ARFGEF3: variants seen among roughly 807,000 people sequenced by gnomAD.
ARFGEF3 encodes ARFGEF family member 3.
A neutral mutation model predicts 221.7 loss-of-function variants in ARFGEF3; 96 were observed. The observed-to-expected ratio is 0.43, with a 90% CI of 0.37 to 0.51. The LOEUF is 0.51. ARFGEF3 is among the 20% of genes least tolerant of loss of function. The pLI is 0.00. For synonymous variants in ARFGEF3, 1,145 were observed against 1,126.8 expected (o/e 1.02, Z -0.32); for missense variants, 2,410 against 2,789.9 (o/e 0.86, Z 3.07).
rs768642743 is a variant in ARFGEF3, at chr6:138,336,480, T to G, written c.6528T>G (p.Ile2176Met). The part of the protein sequence containing the change: ...LGRVGRVYDI[I>M]V ...GGGTGGGCCGTGTCTATGACATCAT[T>G]GTGTAGCCGACTCCTGTTCTACTCT... Residue 2176 changes from isoleucine (I) to methionine (M), a missense_variant, in exon 34 of 34, where the codon ATT (isoleucine) becomes ATG (methionine). Around this residue, in one of 5 missense-constraint regions of ARFGEF3, gnomAD observed 339 missense variants for 334.9 expected, o/e 1.01. Coordinates refer to ENST00000251691, the MANE Select transcript of ARFGEF3 (RefSeq NM_020340.5). 4 of 1,605,120 alleles carry G rather than the reference T, an allele frequency of 2.5e-6. No homozygotes were observed. The Admixed American group carries it at 6.8e-5, about 27-fold the overall frequency.
chr6:138,246,895 T>G (rs1264783940), intron 8 of ARFGEF3, among the ~76,000 whole-genome samples: 11 of 152,180 alleles, frequency 7.2e-5, no homozygotes. Flanking sequence ...TGAGTAACTG[T>G]GTGAGATGAT....
At chr6:138,240,926 C>T (rs139057002) in intron 6 of ARFGEF3, among the ~76,000 whole-genome samples, 99 of 152,230 alleles carry the variant, frequency 6.5e-4, no homozygotes, top group East Asian at 3.7e-3. Context: ...TTTTCTAGCA[C>T]GGCCTATCAC....
At position 138,326,895 on chromosome 6, in the gene ARFGEF3, T is replaced by G. The variant is rs548230646; in HGVS notation, c.5002-1126T>G. ...TAAATGATAAACTGGATAAAGAAAA[T>G]GTGGTGCACGGAATACTATGCAGTC... On this transcript the variant is annotated intron_variant, in intron 31 of 33. Transcript: ENST00000251691. Among the ~76,000 whole-genome samples, 51 of 152,172 alleles carry G rather than the reference T, an allele frequency of 3.4e-4. 2 individuals carry two copies. In the South Asian group the frequency reaches 0.01, roughly 31 times the overall value.
chr6:138,173,725 G>A (rs530015361), intron 2 of ARFGEF3, among the ~76,000 whole-genome samples: 18 of 152,168 alleles, frequency 1.2e-4, no homozygotes, highest in African/African-American at 2.6e-4. Flanking sequence ...TTTATTCAAC[G>A]ATCTTTTGCT....
intron 4 of ARFGEF3, among the ~76,000 whole-genome samples, chr6:138,224,239 A>G (rs1322016879): frequency 6.6e-6 from 1 of 152,244 alleles, no homozygotes; most frequent in Non-Finnish European, 1.5e-5. Context: ...GGTTCTCAGC[A>G]GAGCATAATG....
At chr6:138,317,117 A>C in intron 26 of ARFGEF3, 134 bp from the exon 27 acceptor site, 3 of 848,526 alleles carry the variant, frequency 3.5e-6, no homozygotes, top group Non-Finnish European at 3.5e-6. Context: ...TGGCCACTGA[A>C]GGCTAACAAC....
chr6:138,213,424 C>T (rs901075880), intron 4 of ARFGEF3, among the ~76,000 whole-genome samples: 1 of 151,692 alleles, frequency 6.6e-6, no homozygotes, highest in Non-Finnish European at 1.5e-5. Context: ...TACCACTGCT[C>T]TGTAGCCAGC....
rs985721636 is a variant in ARFGEF3, at chr6:138,342,206, G to T, written c.*5720G>T. 1 of 152,134 alleles carries T rather than the reference G, an allele frequency of 6.6e-6. No individual in the cohort carries two copies. 9.4% of individuals were successfully genotyped at this position (152,134 alleles called of 1,614,324 possible). On this transcript the variant is annotated 3_prime_UTR_variant, in exon 34 of 34. Transcript: ENST00000251691. Reference sequence around the variant, plus strand: ...TTTAAAATAAGACACAGATTGCTGGGCTCATGGTCAGAGTTCCCAGTTAAG... The same window carrying T: ...TTTAAAATAAGACACAGATTGCTGGTCTCATGGTCAGAGTTCCCAGTTAAG...
At chr6:138,265,911 T>A (rs1562373333) in intron 12 of ARFGEF3, among the ~76,000 whole-genome samples, 2 of 152,006 alleles carry the variant, frequency 1.3e-5, no homozygotes, top group East Asian at 3.9e-4. Context: ...ATTTTTTTTT[T>A]AATTTTATAG....
At position 138,334,493 on chromosome 6, in the gene ARFGEF3, C is replaced by T. The variant is rs776479523; in HGVS notation, c.5647C>T (p.Arg1883Trp). 4 of 1,605,878 alleles carry T rather than the reference C, an allele frequency of 2.5e-6. No individual in the cohort carries two copies. The highest frequency in any genetic ancestry group is 2.2e-5 in the South Asian group (2 of 90,246). Residue 1883 changes from arginine to tryptophan, a missense_variant, in exon 33 of 34, where the codon CGG becomes TGG. Arg to Trp is a moderately radical substitution (Grantham distance 101). Around this residue, in one of 5 missense-constraint regions of ARFGEF3, gnomAD observed 723 missense variants for 991.9 expected, o/e 0.73. Coordinates refer to ENST00000251691, the MANE Select transcript of ARFGEF3 (RefSeq NM_020340.5). This position sits in a 1 kb window ranked among gnomAD's most constrained non-coding sequence, Gnocchi z 5.1. The stretch of plus-strand genomic sequence containing the variant: ...CAAGGAGAAGAGACAGTGGCGGGCA[C>T]GGATGCCCTTGCTCAGCGTCCAGCC... ...RGKEKRQWRA[R>W]MPLLSVQPVS...
At chr6:138,192,161 C>A (rs1777315904) in intron 2 of ARFGEF3, among the ~76,000 whole-genome samples, 1 of 152,126 alleles carries the variant, frequency 6.6e-6, no homozygotes, top group South Asian at 2.1e-4. Context: ...CTTCAGAATT[C>A]CCTGCTCTGT....
rs140080474 is a variant in ARFGEF3, at chr6:138,214,208, T to C, written c.351+4167T>C. 2.3e-4 allele frequency among the ~76,000 whole-genome samples: 35 copies of C among 152,334 alleles called. No homozygotes were observed. In the South Asian group the frequency reaches 4.3e-3, roughly 19 times the overall value. ...TACTGTATTAAATGCTTTTACTGTA[T>C]TCTCCCAAAAATTATAGAAGAGAGA... On this transcript the variant is annotated intron_variant, in intron 4 of 33. Transcript: ENST00000251691.
Position 138,263,024 on chromosome 6 carries a change from C to T in ARFGEF3, c.1541C>T (p.Thr514Ile). The change falls in exon 12 of 34, where the codon ACC becomes ATC. Residue 514 changes from threonine to isoleucine, a missense_variant. Transcript: ENST00000251691. ...SISVTTDTGQTTLEGELGQTT... is the reference protein window; with the variant it reads ...SISVTTDTGQITLEGELGQTT... ...AGTGTCACCACAGACACAGGCCAGACCACTCTCGAGGGAGAGTTGGGTCAG... is the reference window on the plus strand; with the variant it reads ...AGTGTCACCACAGACACAGGCCAGATCACTCTCGAGGGAGAGTTGGGTCAG... The T allele has an allele frequency of 6.2e-7, 1 of 1,607,100 alleles. No individual in the cohort carries two copies.
At position 138,291,194 on chromosome 6, in the gene ARFGEF3, C is replaced by T. The variant is rs921816257; in HGVS notation, c.3048-539C>T. Among the ~76,000 whole-genome samples, 37 of 152,180 alleles carry T rather than the reference C, an allele frequency of 2.4e-4. No individual in the cohort carries two copies. Among genetic ancestry groups the T allele is most frequent in the African/African-American group, 6.8e-4 (28 of 41,446 alleles). ...ATAATTCGGTGACTGCCCTCCCACC[C>T]GGCCGCCACCCACCCCACCCAGACT... On this transcript the variant is annotated intron_variant, in intron 18 of 33. Coordinates refer to ENST00000251691, the MANE Select transcript of ARFGEF3 (RefSeq NM_020340.5). This position sits in a 1 kb window ranked among gnomAD's most constrained non-coding sequence, Gnocchi z 4.5.
intron 2 of ARFGEF3, among the ~76,000 whole-genome samples, chr6:138,198,553 A>G (rs1490597452): frequency 6.6e-6 from 1 of 152,236 alleles, no homozygotes; most frequent in Non-Finnish European, 1.5e-5. Context: ...TAAAGGACCC[A>G]TATTCATTAA....
intron 12 of ARFGEF3, among the ~76,000 whole-genome samples, chr6:138,270,136 G>T (rs1218651609): frequency 6.6e-6 from 1 of 152,128 alleles, no homozygotes; most frequent in Non-Finnish European, 1.5e-5. Flanking sequence ...ACAACCTCAA[G>T]TTCACTGACC....
chr6:138,253,850 T>A, intron 8 of ARFGEF3, 30 bp from the exon 9 acceptor site: 1 of 1,517,442 alleles, frequency 6.6e-7, no homozygotes, highest in South Asian at 1.2e-5. Flanking sequence ...GTCTTTTGTC[T>A]GCATTTGTGT....
At chr6:138,195,994 TAAAA>T (rs61617065) in intron 2 of ARFGEF3, among the ~76,000 whole-genome samples, 1 of 123,968 alleles carries the variant, frequency 8.1e-6, no homozygotes, top group Non-Finnish European at 1.8e-5. Context: ...AGTGTCTTGG[TAAAA>T]AAAAAAAAAA....
chr6:138,197,160 C>T (rs1445113181), intron 2 of ARFGEF3, among the ~76,000 whole-genome samples: 1 of 152,118 alleles, frequency 6.6e-6, no homozygotes, highest in Non-Finnish European at 1.5e-5. Context: ...AATTTTTAAA[C>T]TTTTTGTTAA....
Sources: gnomAD v4.1 joint callset for allele counts (sites outside exome capture counted in the v4.1 genomes callset) on GRCh38, gnomAD v4.1.1 for gene constraint, gnomAD v4.1.1 regional missense constraint, Gnocchi (gnomAD v3.1) non-coding constraint, MANE v1.5 for transcripts, NCBI Gene and HGNC (gene_info 2026-07-23, HGNC 2026-07-21) for gene names.